GRIN2B: variants seen among roughly 807,000 people sequenced by gnomAD.
GRIN2B encodes glutamate ionotropic receptor NMDA type subunit 2B.
A neutral mutation model predicts 114.5 loss-of-function variants in GRIN2B; 5 were observed. That is an observed-to-expected ratio of 0.04 (90% confidence interval 0.02 to 0.09). The LOEUF (loss-of-function observed/expected upper bound fraction) is 0.09. Ranked by LOEUF, GRIN2B falls within the 10% of genes least tolerant of loss-of-function variation. The pLI is 1.00. For missense variants in GRIN2B, 1,108 were observed against 1,943.5 expected (o/e 0.57, Z 8.08); for synonymous variants, 787 against 745.1 (o/e 1.06, Z -0.92).
intron 3 of GRIN2B, among the ~76,000 whole-genome samples, chr12:13,852,703 A>C (rs948188277): frequency 6.6e-6 from 1 of 151,652 alleles, no homozygotes; most frequent in Admixed American, 6.6e-5. Flanking sequence ...AAAAAAAAAA[A>C]AAAAAAACAG....
chr12:13,928,081 C>T (rs1035013776), intron 2 of GRIN2B, among the ~76,000 whole-genome samples: 1 of 150,690 alleles, frequency 6.6e-6, no homozygotes, highest in Non-Finnish European at 1.5e-5. Context: ...GAGGCTGAGG[C>T]GGGTGGATCA....
chr12:13,608,153 C>G (rs558269513), intron 10 of GRIN2B, among the ~76,000 whole-genome samples: 1 of 152,202 alleles, frequency 6.6e-6, no homozygotes, highest in Non-Finnish European at 1.5e-5. Context: ...TGCTCAGCCC[C>G]AGAAACACGA....
chr12:13,690,335 T>C (rs1950206009), intron 4 of GRIN2B, among the ~76,000 whole-genome samples: 1 of 141,064 alleles, frequency 7.1e-6, no homozygotes, highest in South Asian at 2.4e-4. Context: ...GCACAATCTA[T>C]TTACAAATAC....
At chr12:13,872,472 A>T (rs939065693) in intron 2 of GRIN2B, among the ~76,000 whole-genome samples, 17 of 149,354 alleles carry the variant, frequency 1.1e-4, no homozygotes, top group African/African-American at 4.2e-4. Context: ...AAAAAAAAAT[A>T]GTGCTAACTA....
At chr12:13,642,425 G>A (rs1437217513) in intron 5 of GRIN2B, among the ~76,000 whole-genome samples, 1 of 152,086 alleles carries the variant, frequency 6.6e-6, no homozygotes, top group Non-Finnish European at 1.5e-5. Context: ...GATCTTGGGT[G>A]AGTCACCAAA....
chr12:13,671,453 C>G (rs1950021350), intron 5 of GRIN2B, among the ~76,000 whole-genome samples: 1 of 152,116 alleles, frequency 6.6e-6, no homozygotes, highest in Admixed American at 6.5e-5. Context: ...AGCATTGGGA[C>G]TACTTTTAGG....
intron 3 of GRIN2B, among the ~76,000 whole-genome samples, chr12:13,768,477 C>A (rs1017166431): frequency 1.3e-5 from 2 of 152,148 alleles, no homozygotes; most frequent in Non-Finnish European, 2.9e-5. Flanking sequence ...TATGGGATAG[C>A]AGGGGATGCC....
intron 2 of GRIN2B, among the ~76,000 whole-genome samples, chr12:13,932,109 T>C (rs1053869580): frequency 6.6e-6 from 1 of 152,206 alleles, no homozygotes; most frequent in Non-Finnish European, 1.5e-5. Context: ...TTCCTATCTA[T>C]CTTTCCAATT....
At chr12:13,690,390 CACACAT>C (rs1178595498) in intron 4 of GRIN2B, among the ~76,000 whole-genome samples, 3 of 151,356 alleles carry the variant, frequency 2.0e-5, no homozygotes, top group African/African-American at 7.3e-5. Context: ...CACACACACA[CACACAT>C]GCAACTGGCA....
intron 4 of GRIN2B, among the ~76,000 whole-genome samples, chr12:13,719,058 T>C (rs1950484911): frequency 1.3e-5 from 2 of 151,922 alleles, no homozygotes; most frequent in South Asian, 4.1e-4. Flanking sequence ...ACAAGAATTC[T>C]CCCCAACAGC....
rs1948618542 is a variant in GRIN2B, at chr12:13,564,925, TTTTG to T, written c.2599-290_2599-287del. ...GGACTGGAATCATAAGATATGGCAT[TTTTG>T]CCTCAGCTTCACTGTTGACTTACCG... On this transcript the variant is annotated intron_variant, in intron 13 of 13. Coordinates refer to ENST00000609686, the MANE Select transcript of GRIN2B (RefSeq NM_000834.5). The surrounding 1 kb of genome is among the most constrained non-coding windows in gnomAD (Gnocchi z 4.8). Among the ~76,000 whole-genome samples, 1 of 152,210 alleles carries T rather than the reference TTTTG, an allele frequency of 6.6e-6. No homozygotes were observed. Among genetic ancestry groups the T allele is most frequent in the Non-Finnish European group, 1.5e-5 (1 of 68,040 alleles).
intron 9 of GRIN2B, among the ~76,000 whole-genome samples, chr12:13,609,442 T>G (rs1198494005): frequency 6.6e-6 from 1 of 152,122 alleles, no homozygotes; most frequent in East Asian, 1.9e-4. Context: ...ATGCCAACAC[T>G]TCCCAACTGG....
chr12:13,810,020 G>T (rs1342046855), intron 3 of GRIN2B, among the ~76,000 whole-genome samples: 3 of 152,036 alleles, frequency 2.0e-5, no homozygotes, highest in Non-Finnish European at 4.4e-5. Flanking sequence ...GGGGTTCTCT[G>T]CTTGCTGTTC....
At chr12:13,938,254 A>G (rs1365663441) in intron 2 of GRIN2B, among the ~76,000 whole-genome samples, 1 of 151,984 alleles carries the variant, frequency 6.6e-6, no homozygotes, top group African/African-American at 2.4e-5. Context: ...AAATATACCA[A>G]CTCTCCACTT....
chr12:13,976,049 C>G (rs1357984707), intron 2 of GRIN2B, among the ~76,000 whole-genome samples: 1 of 152,256 alleles, frequency 6.6e-6, no homozygotes, highest in Non-Finnish European at 1.5e-5. Context: ...GTTCACAGCA[C>G]AATGGATTCT....
At chr12:13,692,760 C>CTTTCTTTCTTT (rs1427827056) in intron 4 of GRIN2B, among the ~76,000 whole-genome samples, 3 of 52,120 alleles carry the variant, frequency 5.8e-5, no homozygotes, top group Admixed American at 2.3e-4. Flanking sequence ...TCTTTCTTTT[C>CTTTCTTTCTTT]TTTTTTTTTT....
At chr12:13,810,265 G>T (rs1864703389) in intron 3 of GRIN2B, among the ~76,000 whole-genome samples, 1 of 151,450 alleles carries the variant, frequency 6.6e-6, no homozygotes, top group Non-Finnish European at 1.5e-5. Flanking sequence ...GCCCAGGCTG[G>T]AGTGCAATGT....
chr12:13,746,149 A>G (rs1863379112), intron 4 of GRIN2B, among the ~76,000 whole-genome samples: 1 of 152,190 alleles, frequency 6.6e-6, no homozygotes, highest in South Asian at 2.1e-4. Context: ...CCTTTTAAAC[A>G]GAGTGATCAG....
intron 3 of GRIN2B, among the ~76,000 whole-genome samples, chr12:13,829,085 T>A (rs1405209193): frequency 6.6e-6 from 1 of 152,324 alleles, no homozygotes; most frequent in South Asian, 2.1e-4. Context: ...GAAGAGGCCA[T>A]CACATAGGGG....
Sources: gnomAD v4.1 joint callset for allele counts (sites outside exome capture counted in the v4.1 genomes callset) on GRCh38, gnomAD v4.1.1 for gene constraint, Gnocchi (gnomAD v3.1) non-coding constraint, MANE v1.5 for transcripts, NCBI Gene and HGNC (gene_info 2026-07-23, HGNC 2026-07-21) for gene names.